HLA-DRB1: variants seen among roughly 807,000 people sequenced by gnomAD.
The protein encoded by HLA-DRB1 is major histocompatibility complex, class II, DR beta 1 precursor.
Under a neutral mutation model 27.9 loss-of-function variants are expected in HLA-DRB1, and 10 were observed. The ratio of observed to expected loss-of-function variants is 0.36; its 90% CI spans 0.22 to 0.61. HLA-DRB1 has a LOEUF of 0.61. Among genes scored for constraint, HLA-DRB1 ranks in the 20% least tolerant of loss-of-function variants. HLA-DRB1 has a pLI of 0.73. For synonymous variants in HLA-DRB1, 57 were observed against 126.7 expected (o/e 0.45, Z 3.69); for missense variants, 118 against 306.3 (o/e 0.39, Z 4.59).
At chr6:32,583,086 T>C (rs114378717) in intron 2 of HLA-DRB1, among the ~76,000 whole-genome samples, 15,427 of 105,966 alleles carry the variant, frequency 0.15, 2,471 homozygotes, top group Non-Finnish European at 0.15. Context: ...AATCTTATAG[T>C]ACAAAGAACG....
intron 1 of HLA-DRB1, among the ~76,000 whole-genome samples, chr6:32,589,206 T>G: frequency 1.2e-5 from 1 of 84,224 alleles, no homozygotes; most frequent in Admixed American, 1.2e-4. Context: ...ACACCAAAGG[T>G]CCTGTGGGGA....
At chr6:32,579,910 T>C (rs1775203578) in intron 5 of HLA-DRB1, among the ~76,000 whole-genome samples, 1 of 36,292 alleles carries the variant, frequency 2.8e-5, no homozygotes, top group South Asian at 7.1e-4. Flanking sequence ...GAGACCATCC[T>C]GGCTAAAACG....
chr6:32,587,863 A>G (rs9270167), intron 1 of HLA-DRB1, among the ~76,000 whole-genome samples: 4,858 of 114,376 alleles, frequency 0.042, 9 homozygotes, highest in East Asian at 0.059. Context: ...GACGCTCTCT[A>G]ACTTAATCAA....
intron 1 of HLA-DRB1, among the ~76,000 whole-genome samples, chr6:32,584,708 A>ACCCCC (rs1776139273): frequency 8.7e-5 from 2 of 23,094 alleles, no homozygotes; most frequent in Non-Finnish European, 1.9e-4. Flanking sequence ...TGGGAGCCCC[A>ACCCCC]AAGACACTCT....
chr6:32,586,593 A>G (rs1776434635), intron 1 of HLA-DRB1, among the ~76,000 whole-genome samples: 3 of 51,742 alleles, frequency 5.8e-5, no homozygotes, highest in Non-Finnish European at 1.2e-4. Context: ...CCATCTCCCT[A>G]TGTATCCTCT....
rs1403560080 is a variant in HLA-DRB1, at chr6:32,580,860, A to G, written c.653-4T>C. On this transcript the variant is annotated splice_region_variant and splice_polypyrimidine_tract_variant and intron_variant, in intron 3 of 5. Coordinates refer to ENST00000360004, the Ensembl canonical transcript of HLA-DRB1. ...TGTGCAGATTCAGACCGTGCTCCTGAGAGAGGAAGCCAGGTTTAGTGATGT... is the reference window on the plus strand; with the variant it reads ...TGTGCAGATTCAGACCGTGCTCCTGGGAGAGGAAGCCAGGTTTAGTGATGT... The G allele has an allele frequency of 1.2e-6, 2 of 1,609,970 alleles. No individual in the cohort carries two copies.
intron 1 of HLA-DRB1, among the ~76,000 whole-genome samples, chr6:32,586,061 AAT>A (rs1776336460): frequency 1.3e-5 from 1 of 79,412 alleles, no homozygotes; most frequent in African/African-American, 5.5e-5. Context: ...GGCTGTGTGA[AAT>A]ACTGGCTGTG....
chr6:32,584,488 C>A, intron 1 of HLA-DRB1, 110 bp from the exon 2 acceptor site: 2 of 622,704 alleles, frequency 3.2e-6, no homozygotes, highest in East Asian at 3.4e-5. Flanking sequence ...GAACCTTAAC[C>A]GGCCCCACCC....
At chr6:32,580,822 C>T in exon 4 of HLA-DRB1, 1 of 1,613,342 alleles carries the variant, frequency 6.2e-7, no homozygotes. Flanking sequence ...CGACTCCACT[C>T]AGCATCTTGC....
At chr6:32,581,276 G>T (rs9269785) in intron 3 of HLA-DRB1, among the ~76,000 whole-genome samples, 248 of 60,474 alleles carry the variant, frequency 4.1e-3, no homozygotes, top group African/African-American at 6.1e-3. Context: ...CCAGAGGCAG[G>T]GCCTGGAGCC....
At chr6:32,589,595 C>G in intron 1 of HLA-DRB1, 48 bp downstream of exon 1, 1 of 690,238 alleles carries the variant, frequency 1.4e-6, no homozygotes, top group Non-Finnish European at 2.1e-6. Flanking sequence ...ACAAAACTCC[C>G]TATTTTCCCC....
exon 6 of HLA-DRB1, chr6:32,578,838 G>A (rs1064717): frequency 0.55 from 195,719 of 354,238 alleles, 69,062 homozygotes; most frequent in Middle Eastern, 0.73. Flanking sequence ...ACAGATGCAC[G>A]GGAGGCCATA....
chr6:32,582,742 ATC>A (rs1581777475), intron 2 of HLA-DRB1, among the ~76,000 whole-genome samples: 15,885 of 70,532 alleles, frequency 0.23, 1,774 homozygotes, highest in African/African-American at 0.28. Flanking sequence ...TATTAGGCCT[ATC>A]ATTGTAAAAT....
At chr6:32,583,826 G>C (rs41285646) in intron 2 of HLA-DRB1, among the ~76,000 whole-genome samples, 1 of 48,394 alleles carries the variant, frequency 2.1e-5, no homozygotes, top group South Asian at 6.9e-4. Flanking sequence ...TCCCCACAGA[G>C]GTCTCCAAGG....
intron 1 of HLA-DRB1, among the ~76,000 whole-genome samples, chr6:32,585,939 T>G (rs9270049): frequency 3.1e-5 from 3 of 97,866 alleles, no homozygotes; most frequent in East Asian, 3.7e-4. Flanking sequence ...TACACAGTCA[T>G]TGCAAAATGT....
At chr6:32,588,147 A>ATTTTCTTTT in intron 1 of HLA-DRB1, among the ~76,000 whole-genome samples, 1 of 122,158 alleles carries the variant, frequency 8.2e-6, no homozygotes, top group East Asian at 2.4e-4. Context: ...GAAAAAGGAA[A>ATTTTCTTTT]TTTTTTTATT....
At chr6:32,586,373 A>T (rs577949058) in intron 1 of HLA-DRB1, among the ~76,000 whole-genome samples, 3 of 77,862 alleles carry the variant, frequency 3.9e-5, no homozygotes, top group Admixed American at 1.5e-4. Flanking sequence ...TATCGACTCC[A>T]CCAAACCCAG....
At chr6:32,581,919 C>T (rs28732337) in intron 2 of HLA-DRB1, 81 bp from the exon 3 acceptor site, 81,240 of 617,556 alleles carry the variant, frequency 0.13, 69 homozygotes, top group East Asian at 0.23. Context: ...TGCTTCTCTG[C>T]AAACCCAGGC....
intron 3 of HLA-DRB1, among the ~76,000 whole-genome samples, 184 bp downstream of exon 3, chr6:32,581,373 C>CCCCAGGGGG (rs1775457171): frequency 1.6e-5 from 1 of 63,932 alleles, no homozygotes; most frequent in East Asian, 4.7e-4. Flanking sequence ...GAGACTGCTT[C>CCCCAGGGGG]TCCAGGAGGT....
Sources: allele counts gnomAD v4.1 joint callset (sites outside exome capture counted in the v4.1 genomes callset), GRCh38; gene constraint gnomAD v4.1.1; transcripts MANE v1.5; gene names NCBI Gene and HGNC (gene_info 2026-07-23, HGNC 2026-07-21).